Variants in PARVA observed in about 807,000 individuals in gnomAD.
PARVA encodes the protein parvin alpha, also known as alpha-parvin.
A neutral mutation model predicts 52.6 loss-of-function variants in PARVA; 25 were observed. The observed-to-expected ratio is 0.48, with a 90% CI of 0.35 to 0.66. The LOEUF (loss-of-function observed/expected upper bound fraction) is 0.66. PARVA is among the 30% of genes least tolerant of loss of function. The pLI, the probability that PARVA is intolerant of heterozygous loss-of-function variation, is 0.01. For synonymous variants in PARVA, 185 were observed against 179.1 expected (o/e 1.03, Z -0.26); for missense variants, 373 against 450.9 (o/e 0.83, Z 1.56).
intron 1 of PARVA, among the ~76,000 whole-genome samples, chr11:12,427,281 G>C (rs1940251051): frequency 6.6e-6 from 1 of 152,188 alleles, no homozygotes; most frequent in South Asian, 2.1e-4. Context: ...TAATGAAATT[G>C]GTCAACAATT....
intron 1 of PARVA, among the ~76,000 whole-genome samples, chr11:12,438,192 G>A (rs138954899): frequency 0.012 from 1,800 of 151,698 alleles, 39 homozygotes; most frequent in African/African-American, 0.041. Flanking sequence ...CCTGGGAGGC[G>A]GAGCTTACAG....
chr11:12,473,047 T>G (rs960850485), intron 1 of PARVA, among the ~76,000 whole-genome samples: 12 of 152,214 alleles, frequency 7.9e-5, no homozygotes, highest in African/African-American at 2.9e-4. Flanking sequence ...ATTTGAAGAC[T>G]GTAAAAGAGC....
intron 12 of PARVA, among the ~76,000 whole-genome samples, chr11:12,522,882 C>G (rs951216260): frequency 1.3e-5 from 2 of 151,218 alleles, no homozygotes; most frequent in African/African-American, 4.9e-5. Flanking sequence ...TTCAAGGGCA[C>G]GTATGTTGAT....
chr11:12,390,424 G>T lies in PARVA; in HGVS notation c.136+12641G>T, dbSNP rs117419033. Among the ~76,000 whole-genome samples, 1,387 of 152,306 alleles carry T rather than the reference G, an allele frequency of 9.1e-3. 7 individuals carry two copies. The highest frequency in any genetic ancestry group is 0.013 in the Non-Finnish European group (914 of 68,032). Reference sequence around the variant, plus strand: ...GCAGGGTGCAGAGATTCTGAGCAGAGAATTCTTGGCATCTCTTGAGTGCCT... The same window carrying T: ...GCAGGGTGCAGAGATTCTGAGCAGATAATTCTTGGCATCTCTTGAGTGCCT... On this transcript the variant is annotated intron_variant, in intron 1 of 12. Coordinates refer to ENST00000334956, the MANE Select transcript of PARVA (RefSeq NM_018222.5).
chr11:12,508,347 A>G (rs1355496673), intron 6 of PARVA, among the ~76,000 whole-genome samples: 3 of 152,180 alleles, frequency 2.0e-5, no homozygotes, highest in Non-Finnish European at 4.4e-5. Flanking sequence ...AAGATTCACC[A>G]TCCAAGAAAC....
At chr11:12,496,838 A>G (rs1564862500) in intron 5 of PARVA, among the ~76,000 whole-genome samples, 1 of 152,214 alleles carries the variant, frequency 6.6e-6, no homozygotes, top group Non-Finnish European at 1.5e-5. Flanking sequence ...TTTGCATAGA[A>G]ACCTCACGTG....
chr11:12,456,854 C>T (rs1049253841), intron 1 of PARVA, among the ~76,000 whole-genome samples: 1 of 152,114 alleles, frequency 6.6e-6, no homozygotes, highest in Non-Finnish European at 1.5e-5. Context: ...CCTTTTACCC[C>T]AGGACACAGC....
chr11:12,500,439 G>A (rs1480427676), intron 5 of PARVA, among the ~76,000 whole-genome samples: 1 of 152,094 alleles, frequency 6.6e-6, no homozygotes, highest in Non-Finnish European at 1.5e-5. Context: ...TTCAACAGTG[G>A]GTAGAATCTG....
At chr11:12,433,228 C>A (rs1435644306) in intron 1 of PARVA, among the ~76,000 whole-genome samples, 9 of 152,208 alleles carry the variant, frequency 5.9e-5, no homozygotes, top group African/African-American at 2.2e-4. Flanking sequence ...TAGCTCCCCA[C>A]CCAAAGGATG....
chr11:12,377,398 C>T (rs79346986), upstream of PARVA: 29,309 of 1,360,548 alleles, frequency 0.022, 362 homozygotes, highest in South Asian at 0.024. Flanking sequence ...GGCATCCTCC[C>T]TGCTTGGGGC....
chr11:12,395,904 G>GT (rs1371151061), intron 1 of PARVA, among the ~76,000 whole-genome samples: 1 of 152,232 alleles, frequency 6.6e-6, no homozygotes, highest in African/African-American at 2.4e-5. Context: ...TGGAATATGA[G>GT]TGGATATAAG....
intron 1 of PARVA, among the ~76,000 whole-genome samples, chr11:12,431,828 C>T (rs1233437208): frequency 6.6e-6 from 1 of 152,228 alleles, no homozygotes; most frequent in Non-Finnish European, 1.5e-5. Flanking sequence ...CTTGCTTGCC[C>T]TTTGGGACTT....
At position 12,478,331 on chromosome 11, in the gene PARVA, T is replaced by C. The variant is rs183869405; in HGVS notation, c.400+382T>C. On this transcript the variant is annotated intron_variant, in intron 4 of 12. Coordinates refer to ENST00000334956, the MANE Select transcript of PARVA (RefSeq NM_018222.5). ...CTGAGTATGCATTTTTAGACCTCTGTCACCTTCAGATGCATGTGTGTGTGT... is the reference window on the plus strand; with the variant it reads ...CTGAGTATGCATTTTTAGACCTCTGCCACCTTCAGATGCATGTGTGTGTGT... 1.0e-4 allele frequency: 36 copies of C among 350,330 alleles called. No individual in the cohort carries two copies. In the East Asian group the frequency reaches 2.6e-3, roughly 26 times the overall value. 21.7% of individuals were successfully genotyped at this position (350,330 alleles called of 1,614,324 possible).
At chr11:12,511,270 C>T (rs574259196) in intron 7 of PARVA, among the ~76,000 whole-genome samples, 2 of 152,308 alleles carry the variant, frequency 1.3e-5, no homozygotes, top group African/African-American at 2.4e-5. Flanking sequence ...CTTTGCATTA[C>T]ACCACTATAT....
At chr11:12,378,762 C>T (rs1348103657) in intron 1 of PARVA, among the ~76,000 whole-genome samples, 2 of 152,028 alleles carry the variant, frequency 1.3e-5, no homozygotes, top group Non-Finnish European at 2.9e-5. Flanking sequence ...TTAGTTGATG[C>T]ATGATGTACA....
At chr11:12,397,830 T>TC (rs1939771840) in intron 1 of PARVA, among the ~76,000 whole-genome samples, 1 of 151,724 alleles carries the variant, frequency 6.6e-6, no homozygotes, top group Non-Finnish European at 1.5e-5. Flanking sequence ...TTTTTTTTTT[T>TC]TTTTTCTTCA....
intron 1 of PARVA, among the ~76,000 whole-genome samples, chr11:12,416,727 TAGGG>T (rs796224598): frequency 2.2e-4 from 30 of 136,842 alleles, no homozygotes; most frequent in African/African-American, 5.9e-4. Flanking sequence ...AGAGGAAAGA[TAGGG>T]AGGAGGCAGA....
chr11:12,509,761 G>C (rs867856897), intron 7 of PARVA, among the ~76,000 whole-genome samples: 7 of 152,138 alleles, frequency 4.6e-5, no homozygotes, highest in Non-Finnish European at 7.4e-5. Flanking sequence ...GGCCAGTCTT[G>C]GTAGCTGAAG....
chr11:12,491,137 T>G (rs1414549552), intron 4 of PARVA, among the ~76,000 whole-genome samples: 1 of 152,120 alleles, frequency 6.6e-6, no homozygotes, highest in East Asian at 1.9e-4. Flanking sequence ...ACAAAACAAA[T>G]TCTTGCCAAA....
Sources: gnomAD v4.1 joint callset for allele counts (sites outside exome capture counted in the v4.1 genomes callset) on GRCh38, gnomAD v4.1.1 for gene constraint, MANE v1.5 for transcripts, NCBI Gene and HGNC (gene_info 2026-07-23, HGNC 2026-07-21) for gene names.